The following PAK5 variants were observed in gnomAD, a reference collection of about 807,000 sequenced individuals.
PAK5 encodes the protein serine/threonine-protein kinase PAK 5.
Under a neutral mutation model 65.9 loss-of-function variants are expected in PAK5, and 16 were observed. The ratio of observed to expected loss-of-function variants is 0.24; its 90% CI spans 0.16 to 0.37. The LOEUF is 0.37. PAK5 is among the 10% of genes least tolerant of loss of function. The pLI is 1.00. For synonymous variants in PAK5, 371 were observed against 354.9 expected (o/e 1.05, Z -0.51); for missense variants, 785 against 903.9 (o/e 0.87, Z 1.69).
chr20:9,549,584 C>T (rs1178432721), intron 7 of PAK5, among the ~76,000 whole-genome samples: 1 of 152,002 alleles, frequency 6.6e-6, no homozygotes. Flanking sequence ...GATTGAACAC[C>T]AGCCTTGGCC....
intron 3 of PAK5, among the ~76,000 whole-genome samples, chr20:9,623,301 A>G (rs1000979173): frequency 6.6e-6 from 1 of 152,232 alleles, no homozygotes; most frequent in Admixed American, 6.5e-5. Context: ...AACAGCACAG[A>G]AAGTGGAGAA....
intron 1 of PAK5, among the ~76,000 whole-genome samples, chr20:9,769,320 T>C (rs573360482): frequency 6.6e-6 from 1 of 152,368 alleles, no homozygotes; most frequent in East Asian, 1.9e-4. Context: ...CTGTTAATTC[T>C]GCCCATGGAT....
intron 1 of PAK5, among the ~76,000 whole-genome samples, chr20:9,739,617 C>A (rs767274057): frequency 6.6e-6 from 1 of 152,024 alleles, no homozygotes; most frequent in Admixed American, 6.6e-5. Context: ...CATCAATTTT[C>A]GATATGAACC....
chr20:9,776,900 G>T (rs79617956), intron 1 of PAK5, among the ~76,000 whole-genome samples: 3,966 of 152,216 alleles, frequency 0.026, 152 homozygotes, highest in African/African-American at 0.088. Context: ...TTGAGGCCAA[G>T]AAACATGGTG....
At chr20:9,614,813 G>C (rs1242636918) in intron 3 of PAK5, among the ~76,000 whole-genome samples, 1 of 152,160 alleles carries the variant, frequency 6.6e-6, no homozygotes, top group Non-Finnish European at 1.5e-5. Flanking sequence ...GATCTGCCTT[G>C]TTAAATGTTC....
chr20:9,683,694 T>C (rs1353285222), intron 2 of PAK5, among the ~76,000 whole-genome samples: 1 of 152,152 alleles, frequency 6.6e-6, no homozygotes. Context: ...TTTCTTTCCT[T>C]TTCCATTCCT....
In PAK5 at chr20:9,645,888, T is replaced by C. The variant is rs115510364; in HGVS notation, c.-11-1549A>G. ...GGCATGAGCCACTGCGCCCAGCCTA[T>C]CTTCCTACACTTCTATGTATATATT... On this transcript the variant is annotated intron_variant, in intron 2 of 9. Transcript: ENST00000353224. Among the ~76,000 whole-genome samples, 626 of 152,296 alleles carry C rather than the reference T, an allele frequency of 4.1e-3. 10 individuals carry two copies. The highest frequency in any genetic ancestry group is 0.014 in the African/African-American group (576 of 41,570).
chr20:9,549,105 C>T (rs920528030), intron 7 of PAK5, among the ~76,000 whole-genome samples: 14 of 151,964 alleles, frequency 9.2e-5, no homozygotes, highest in Non-Finnish European at 2.1e-4. Context: ...TAAGAGGAGT[C>T]GATAATGCAC....
intron 5 of PAK5, among the ~76,000 whole-genome samples, chr20:9,564,011 T>C (rs1453231072): frequency 1.3e-5 from 2 of 152,142 alleles, no homozygotes; most frequent in African/African-American, 2.4e-5. Context: ...GTCCTTACAA[T>C]AGAAAGACAA....
Position 9,580,766 on chromosome 20 carries a change from A to G in PAK5, c.369T>C (p.Asn123=). Residue 123 remains asparagine, a synonymous_variant, in exon 4 of 10, where the codon AAT becomes AAC. Transcript: ENST00000353224. ...AATACTGGGAGAAGGTGATGAAGCC[A>G]TTTTCTTCCGCGTGGCCTGGACCGT... The part of the protein sequence containing the change: ...SSHGPGHAEE[N]GFITFSQYSS... 6.2e-7 allele frequency: 1 copy of G among 1,613,944 alleles called. No individual in the cohort carries two copies. The highest frequency in any genetic ancestry group is 8.5e-7 in the Non-Finnish European group (1 of 1,180,008).
At chr20:9,738,249 CA>C (rs1198467213) in intron 1 of PAK5, among the ~76,000 whole-genome samples, 1 of 152,124 alleles carries the variant, frequency 6.6e-6, no homozygotes, top group Non-Finnish European at 1.5e-5. Flanking sequence ...CTTTGGAAAA[CA>C]GTTTGGCAGC....
chr20:9,612,646 A>G (rs999313461), intron 3 of PAK5, among the ~76,000 whole-genome samples: 8 of 152,062 alleles, frequency 5.3e-5, no homozygotes, highest in African/African-American at 1.9e-4. Flanking sequence ...CCCCCGATCC[A>G]ATCACCTCCC....
At chr20:9,768,648 T>C (rs2048797583) in intron 1 of PAK5, among the ~76,000 whole-genome samples, 1 of 151,416 alleles carries the variant, frequency 6.6e-6, no homozygotes. Flanking sequence ...ACGGGTATGG[T>C]GGCGCGCGGC....
intron 1 of PAK5, among the ~76,000 whole-genome samples, chr20:9,752,321 T>C (rs73895982): frequency 0.012 from 1,824 of 152,170 alleles, 39 homozygotes; most frequent in African/African-American, 0.042. Context: ...TGGCAACTCT[T>C]AGACCTCAGA....
intron 1 of PAK5, among the ~76,000 whole-genome samples, chr20:9,764,477 T>G (rs1467038033): frequency 2.6e-5 from 4 of 152,182 alleles, no homozygotes; most frequent in Non-Finnish European, 5.9e-5. Flanking sequence ...GTAATAAATG[T>G]GGGTATATCA....
chr20:9,544,742 A>G (rs993473811), intron 7 of PAK5, among the ~76,000 whole-genome samples: 4 of 152,194 alleles, frequency 2.6e-5, no homozygotes, highest in Non-Finnish European at 4.4e-5. Context: ...TATTACTTCT[A>G]TAAAATGATG....
At chr20:9,616,172 A>C (rs1436089944) in intron 3 of PAK5, among the ~76,000 whole-genome samples, 1 of 152,244 alleles carries the variant, frequency 6.6e-6, no homozygotes, top group Non-Finnish European at 1.5e-5. Context: ...TCTACCTGGA[A>C]GCAGGGGATG....
intron 2 of PAK5, among the ~76,000 whole-genome samples, chr20:9,683,097 T>C (rs1261269077): frequency 3.3e-5 from 5 of 152,180 alleles, no homozygotes; most frequent in Non-Finnish European, 7.3e-5. Context: ...TCACTAGAAA[T>C]CTCCAGAGCA....
intron 1 of PAK5, among the ~76,000 whole-genome samples, chr20:9,752,887 C>A (rs1417782757): frequency 2.0e-5 from 3 of 152,120 alleles, no homozygotes; most frequent in Non-Finnish European, 2.9e-5. Flanking sequence ...GAGGCAGAAG[C>A]ACGCCAAAAG....
Sources: allele counts gnomAD v4.1 joint callset (sites outside exome capture counted in the v4.1 genomes callset), GRCh38; gene constraint gnomAD v4.1.1; transcripts MANE v1.5; gene names NCBI Gene and HGNC (gene_info 2026-07-23, HGNC 2026-07-21).